Variants in SNX29 observed in about 807,000 individuals in gnomAD.
The protein encoded by SNX29 is sorting nexin-29.
Under a neutral mutation model 102.1 loss-of-function variants are expected in SNX29, and 78 were observed. That is an observed-to-expected ratio of 0.76 (90% confidence interval 0.64 to 0.92). SNX29 has a LOEUF of 0.92. Ranked by LOEUF, SNX29 falls within the 40% of genes least tolerant of loss-of-function variation. The probability of loss-of-function intolerance (pLI) is 0.00; values close to 1 mark genes in which losing one functional copy is unlikely to be tolerated. For missense variants in SNX29, 1,280 were observed against 1,061.7 expected (o/e 1.21, Z -2.86); for synonymous variants, 580 against 414.5 (o/e 1.40, Z -4.85).
At chr16:12,108,655 T>G (rs1404201162) in intron 11 of SNX29, among the ~76,000 whole-genome samples, 1 of 152,152 alleles carries the variant, frequency 6.6e-6, no homozygotes, top group Non-Finnish European at 1.5e-5. Flanking sequence ...TGTGCCCCGA[T>G]GCCACAGCTG....
At chr16:12,445,246 C>T (rs935863138) in intron 18 of SNX29, among the ~76,000 whole-genome samples, 4 of 152,042 alleles carry the variant, frequency 2.6e-5, no homozygotes, top group African/African-American at 4.8e-5. Flanking sequence ...ACAACAAAGA[C>T]AAAGGTGAGT....
chr16:12,025,738 G>T (rs920782501), intron 3 of SNX29, among the ~76,000 whole-genome samples: 5 of 152,210 alleles, frequency 3.3e-5, no homozygotes, highest in African/African-American at 9.6e-5. Flanking sequence ...GCTGTGTTAG[G>T]GGTGTGTAGT....
intron 14 of SNX29, among the ~76,000 whole-genome samples, chr16:12,213,569 T>C (rs912545929): frequency 6.6e-6 from 1 of 152,204 alleles, no homozygotes; most frequent in Admixed American, 6.5e-5. Context: ...CAGGCAGTGG[T>C]TGGTGTTGTG....
At chr16:12,537,802 C>T (rs755322357) in intron 20 of SNX29, among the ~76,000 whole-genome samples, 39 of 151,948 alleles carry the variant, frequency 2.6e-4, no homozygotes, top group Admixed American at 2.2e-3. Flanking sequence ...TCTCCTATAT[C>T]AGAGAGGTGT....
At chr16:12,185,398 G>T (rs533414488) in intron 13 of SNX29, among the ~76,000 whole-genome samples, 11 of 152,210 alleles carry the variant, frequency 7.2e-5, no homozygotes, top group African/African-American at 2.6e-4. Flanking sequence ...ATTTTTAAGG[G>T]AAATGTCCTG....
At chr16:12,050,652 G>T (rs2050261001) in intron 7 of SNX29, among the ~76,000 whole-genome samples, 1 of 152,026 alleles carries the variant, frequency 6.6e-6, no homozygotes, top group Non-Finnish European at 1.5e-5. Flanking sequence ...GTCCAGGAAA[G>T]CAAAGGCAAA....
chr16:12,230,579 A>C (rs1347446868), intron 14 of SNX29, among the ~76,000 whole-genome samples: 2 of 152,198 alleles, frequency 1.3e-5, no homozygotes, highest in Non-Finnish European at 2.9e-5. Context: ...GTATTTTGAG[A>C]CAGATCAAAC....
chr16:12,217,902 G>A (rs1382437172), intron 14 of SNX29, among the ~76,000 whole-genome samples: 1 of 152,220 alleles, frequency 6.6e-6, no homozygotes, highest in Non-Finnish European at 1.5e-5. Context: ...AGGCTTGTGA[G>A]TGTAAGTTTT....
chr16:12,558,839 G>C (rs1050545257), intron 20 of SNX29, among the ~76,000 whole-genome samples: 1 of 152,196 alleles, frequency 6.6e-6, no homozygotes, highest in Non-Finnish European at 1.5e-5. Context: ...CAGTCACCAA[G>C]AGCCACAAGA....
intron 1 of SNX29, among the ~76,000 whole-genome samples, chr16:11,995,878 G>A (rs763952913): frequency 2.4e-4 from 37 of 151,842 alleles, no homozygotes; most frequent in Non-Finnish European, 4.9e-4. Context: ...TGGCCAACAT[G>A]GTGAAACCCT....
rs926902431 is a variant in SNX29 at position 12,096,366 on chromosome 16, C to G, written c.1402+17451C>G. ...CATCTCTCATGTGCTGGGCGCAGTT[C>G]TAGGTGCTGAGGAGCCAGAGGTGGG... On this transcript the variant is annotated intron_variant, in intron 11 of 20. Coordinates refer to ENST00000566228, the MANE Select transcript of SNX29 (RefSeq NM_032167.5). The surrounding 1 kb of genome is among the most constrained non-coding windows in gnomAD (Gnocchi z 4.2). Among the ~76,000 whole-genome samples the G allele has an allele frequency of 2.0e-5, 3 of 152,218 alleles. No individual in the cohort carries two copies. Among genetic ancestry groups the G allele is most frequent in the Admixed American group, 2.0e-4 (3 of 15,284 alleles).
At chr16:12,544,246 A>ACTTACCCAGATTG (rs2077480853) in intron 20 of SNX29, among the ~76,000 whole-genome samples, 1 of 151,044 alleles carries the variant, frequency 6.6e-6, no homozygotes, top group Non-Finnish European at 1.5e-5. Context: ...ATTGAAACTA[A>ACTTACCCAGATTG]CTTACCCAGA....
intron 14 of SNX29, among the ~76,000 whole-genome samples, chr16:12,275,269 C>G (rs2079209271): frequency 1.3e-5 from 2 of 152,234 alleles, no homozygotes; most frequent in South Asian, 4.2e-4. Flanking sequence ...ATGCTGTCTG[C>G]CTGCTCTTCT....
At chr16:12,081,015 T>C (rs1188975049) in intron 11 of SNX29, among the ~76,000 whole-genome samples, 6 of 152,280 alleles carry the variant, frequency 3.9e-5, no homozygotes, top group East Asian at 1.9e-4. Context: ...CTTAAACAAA[T>C]TGAATTCCTT....
At chr16:12,544,529 G>C (rs934318444) in intron 20 of SNX29, among the ~76,000 whole-genome samples, 1 of 152,188 alleles carries the variant, frequency 6.6e-6, no homozygotes, top group East Asian at 1.9e-4. Flanking sequence ...GGAATTGTGT[G>C]GCCTAGGAAC....
At chr16:11,993,555 A>G (rs1188774375) in intron 1 of SNX29, among the ~76,000 whole-genome samples, 2 of 152,218 alleles carry the variant, frequency 1.3e-5, no homozygotes, top group Non-Finnish European at 2.9e-5. Flanking sequence ...TTCTAGGTGC[A>G]CAATACAATT....
At chr16:12,254,102 G>A (rs1019116004) in intron 14 of SNX29, among the ~76,000 whole-genome samples, 1 of 152,180 alleles carries the variant, frequency 6.6e-6, no homozygotes, top group African/African-American at 2.4e-5. Context: ...TGGCTTTGTG[G>A]GGGCCGAGCA....
intron 18 of SNX29, among the ~76,000 whole-genome samples, chr16:12,430,877 A>G (rs190469994): frequency 3.9e-4 from 58 of 148,054 alleles, no homozygotes; most frequent in Admixed American, 2.5e-3. Context: ...TTGAGATGGA[A>G]TCTCACTCTG....
At chr16:12,517,399 C>T (rs940275195) in intron 19 of SNX29, among the ~76,000 whole-genome samples, 2 of 152,190 alleles carry the variant, frequency 1.3e-5, no homozygotes, top group Non-Finnish European at 2.9e-5. Flanking sequence ...GGCCTAGTTC[C>T]CTGTCTTCAC....
Sources: gnomAD v4.1 joint callset for allele counts (sites outside exome capture counted in the v4.1 genomes callset) on GRCh38, gnomAD v4.1.1 for gene constraint, Gnocchi (gnomAD v3.1) non-coding constraint, MANE v1.5 for transcripts, NCBI Gene and HGNC (gene_info 2026-07-23, HGNC 2026-07-21) for gene names.